The following LTBP1 variants were observed in gnomAD, a reference collection of about 807,000 sequenced individuals.
LTBP1 encodes latent-transforming growth factor beta-binding protein 1.
LTBP1 carries 129 observed loss-of-function variants against 207.6 expected under a neutral mutation model. That is an observed-to-expected ratio of 0.62 (90% CI 0.54 to 0.72). LTBP1 has a LOEUF of 0.72. LTBP1 is among the 30% of genes least tolerant of loss of function. The pLI is 0.00. For missense variants in LTBP1, 2,281 were observed against 2,217.2 expected (o/e 1.03, Z -0.58); for synonymous variants, 963 against 833.7 (o/e 1.16, Z -2.67).
chr2:33,089,804 C>T (rs1455389985), intron 3 of LTBP1, among the ~76,000 whole-genome samples: 3 of 152,110 alleles, frequency 2.0e-5, no homozygotes, highest in Non-Finnish European at 2.9e-5. Context: ...CACTTTTCAC[C>T]AATATGTTTA....
At chr2:33,227,489 T>C (rs1365423768) in intron 9 of LTBP1, among the ~76,000 whole-genome samples, 2 of 152,160 alleles carry the variant, frequency 1.3e-5, no homozygotes, top group African/African-American at 4.8e-5. Context: ...AATATAGAAA[T>C]CTTGCCTCCA....
At chr2:32,969,962 T>G (rs918821400) in intron 2 of LTBP1, among the ~76,000 whole-genome samples, 3 of 152,246 alleles carry the variant, frequency 2.0e-5, no homozygotes, top group Non-Finnish European at 4.4e-5. Flanking sequence ...CAATAGCCAT[T>G]CTGACTGGTG....
intron 3 of LTBP1, among the ~76,000 whole-genome samples, chr2:33,096,904 AAAG>A (rs1408275838): frequency 6.6e-6 from 1 of 152,190 alleles, no homozygotes; most frequent in Non-Finnish European, 1.5e-5. Flanking sequence ...AAAACTAAAA[AAAG>A]AGAAAGTGAT....
At chr2:33,312,524 G>A (rs971917419) in intron 23 of LTBP1, among the ~76,000 whole-genome samples, 5 of 151,984 alleles carry the variant, frequency 3.3e-5, no homozygotes, top group African/African-American at 7.2e-5. Flanking sequence ...GTGGAATCGC[G>A]GACCCATGAA....
At chr2:33,123,065 C>T (rs1009198592) in intron 4 of LTBP1, among the ~76,000 whole-genome samples, 1 of 152,148 alleles carries the variant, frequency 6.6e-6, no homozygotes, top group Non-Finnish European at 1.5e-5. Flanking sequence ...TATAGCTTTT[C>T]CTCACTCCCT....
In LTBP1 at chr2:33,074,869, C is replaced by CAAA. The variant is rs36211816; in HGVS notation, c.864-35688_864-35686dup. On this transcript the variant is annotated intron_variant, in intron 3 of 33. Coordinates refer to ENST00000404816, the MANE Select transcript of LTBP1 (RefSeq NM_206943.4). Reference sequence around the variant, plus strand: ...TGGGCAACAGAGCGAGACTCCATCTCAAAAAAAAAAAAAAAAAAAAAAAAA... The same window carrying CAAA: ...TGGGCAACAGAGCGAGACTCCATCTCAAAAAAAAAAAAAAAAAAAAAAAAAAAA... 1.3e-4 allele frequency among the ~76,000 whole-genome samples: 17 copies of CAAA among 131,964 alleles called. 1 individual carries two copies. The highest frequency in any genetic ancestry group is 4.8e-4 in the African/African-American group (14 of 29,454). 86.6% of individuals were successfully genotyped at this position (131,964 alleles called of 152,430 possible).
At chr2:33,218,039 AT>A (rs943723970) in intron 8 of LTBP1, among the ~76,000 whole-genome samples, 2 of 152,216 alleles carry the variant, frequency 1.3e-5, no homozygotes, top group African/African-American at 4.8e-5. Flanking sequence ...CTTAAATGAG[AT>A]TTTTATTAAT....
chr2:32,947,659 C>G lies in LTBP1; in HGVS notation c.335C>G (p.Ala112Gly). 2.1e-6 allele frequency: 3 copies of G among 1,418,650 alleles called. No homozygotes were observed. Among genetic ancestry groups the G allele is most frequent in the Non-Finnish European group, 2.8e-6 (3 of 1,082,594 alleles). 87.9% of individuals were successfully genotyped at this position (1,418,650 alleles called of 1,614,324 possible). Reference sequence around the variant, plus strand: ...CCGCCGCCGGAGCCTGCGCGTCCCGCGGTCCCCGGCGGGCAGCTCCACCCC... The same window carrying G: ...CCGCCGCCGGAGCCTGCGCGTCCCGGGGTCCCCGGCGGGCAGCTCCACCCC... Reference protein sequence around the residue: ...PPPPPEPARPAVPGGQLHPNP... With the variant: ...PPPPPEPARPGVPGGQLHPNP... The change falls in exon 1 of 34, where the codon GCG becomes GGG. Residue 112 changes from alanine to glycine, a missense_variant. Ala to Gly is a moderately conservative substitution (Grantham distance 60, BLOSUM62 0). Around this residue, in one of 3 missense-constraint regions of LTBP1, gnomAD observed 555 missense variants for 491.0 expected, o/e 1.13. Coordinates refer to ENST00000404816, the MANE Select transcript of LTBP1 (RefSeq NM_206943.4).
At chr2:32,966,523 T>C (rs1208067630) in intron 2 of LTBP1, among the ~76,000 whole-genome samples, 1 of 152,188 alleles carries the variant, frequency 6.6e-6, no homozygotes, top group African/African-American at 2.4e-5. Context: ...ATGTTTTTTA[T>C]AGATGTTCTT....
At chr2:33,283,988 T>C (rs1420578213) in intron 19 of LTBP1, among the ~76,000 whole-genome samples, 1 of 152,236 alleles carries the variant, frequency 6.6e-6, no homozygotes, top group Non-Finnish European at 1.5e-5. Context: ...TAAACTGGTC[T>C]ATCTTCACGT....
At chr2:33,193,506 C>T (rs900957156) in intron 7 of LTBP1, among the ~76,000 whole-genome samples, 1 of 152,086 alleles carries the variant, frequency 6.6e-6, no homozygotes, top group African/African-American at 2.4e-5. Context: ...CCATGATGTT[C>T]GTAGTTTACA....
At chr2:33,051,525 T>C (rs1056007931) in intron 3 of LTBP1, among the ~76,000 whole-genome samples, 1 of 152,194 alleles carries the variant, frequency 6.6e-6, no homozygotes, top group African/African-American at 2.4e-5. Context: ...CCCTTCATTC[T>C]GACTGTGGTG....
chr2:33,159,015 G>A (rs760317693), intron 5 of LTBP1, among the ~76,000 whole-genome samples: 4 of 152,150 alleles, frequency 2.6e-5, no homozygotes, highest in Admixed American at 6.5e-5. Context: ...AATACCTATC[G>A]TGATTCTGTG....
intron 3 of LTBP1, among the ~76,000 whole-genome samples, chr2:33,023,433 A>G (rs561949474): frequency 6.6e-6 from 1 of 152,290 alleles, no homozygotes; most frequent in South Asian, 2.1e-4. Context: ...GTTGTGAGTC[A>G]AAGAGGAGGC....
rs181881723 is a variant in LTBP1 at position 33,395,370 on chromosome 2, G to A, written c.4835-1763G>A. Among the ~76,000 whole-genome samples the A allele has an allele frequency of 5.3e-5, 8 of 152,248 alleles. No homozygotes were observed. In the East Asian group the frequency reaches 1.5e-3, roughly 29 times the overall value. Reference sequence around the variant, plus strand: ...AATTCAGTGCTTTTACTTCATACGTGAGAAAAATAAGCTTTCTGCCCAAGT... The same window carrying A: ...AATTCAGTGCTTTTACTTCATACGTAAGAAAAATAAGCTTTCTGCCCAAGT... On this transcript the variant is annotated intron_variant, in intron 32 of 33. Transcript: ENST00000404816.
chr2:33,243,031 T>C (rs2092388903), intron 9 of LTBP1, among the ~76,000 whole-genome samples: 1 of 152,178 alleles, frequency 6.6e-6, no homozygotes, highest in African/African-American at 2.4e-5. Context: ...CTCCATCCAC[T>C]GGCCACACTC....
intron 24 of LTBP1, among the ~76,000 whole-genome samples, chr2:33,326,909 A>G (rs1027997675): frequency 5.3e-5 from 8 of 152,132 alleles, no homozygotes; most frequent in African/African-American, 1.7e-4. Context: ...TCAGTCTCCC[A>G]AAGTGCTAGG....
At chr2:33,168,511 T>C (rs2085135714) in intron 5 of LTBP1, among the ~76,000 whole-genome samples, 1 of 152,164 alleles carries the variant, frequency 6.6e-6, no homozygotes, top group Admixed American at 6.5e-5. Flanking sequence ...TGATGTTGTC[T>C]TACAAATTTT....
chr2:33,233,729 C>T (rs1339283644), intron 9 of LTBP1, among the ~76,000 whole-genome samples: 1 of 152,008 alleles, frequency 6.6e-6, no homozygotes, highest in African/African-American at 2.4e-5. Context: ...TTTTATGATA[C>T]TGTTTGCATA....
Sources: allele counts gnomAD v4.1 joint callset (sites outside exome capture counted in the v4.1 genomes callset), GRCh38; gene constraint gnomAD v4.1.1; regional missense constraint gnomAD v4.1.1; transcripts MANE v1.5; gene names NCBI Gene and HGNC (gene_info 2026-07-23, HGNC 2026-07-21).